The following KCNIP4 variants were observed in gnomAD, a reference collection of about 807,000 sequenced individuals.
KCNIP4 encodes Kv channel-interacting protein 4.
In KCNIP4, 12 loss-of-function variants were observed where a neutral mutation model predicts 34.0. The observed-to-expected ratio is 0.35, with a 90% CI of 0.23 to 0.57. The LOEUF (loss-of-function observed/expected upper bound fraction) is 0.57. Among genes scored for constraint, KCNIP4 ranks in the 20% least tolerant of loss-of-function variants. The pLI is 0.83. For synonymous variants in KCNIP4, 124 were observed against 102.2 expected, an observed-to-expected ratio of 1.21 and a Z score of -1.29; for missense variants, 238 against 311.7, an observed-to-expected ratio of 0.76 and a Z score of 1.78.
chr4:21,283,381 A>C (rs1344733135), intron 1 of KCNIP4, among the ~76,000 whole-genome samples: 1 of 151,980 alleles, frequency 6.6e-6, no homozygotes, highest in Non-Finnish European at 1.5e-5. Flanking sequence ...ACAATCAACC[A>C]CCTATCCATT....
chr4:21,507,784 T>A (rs1393209581), intron 1 of KCNIP4, among the ~76,000 whole-genome samples: 1 of 152,170 alleles, frequency 6.6e-6, no homozygotes, highest in Admixed American at 6.6e-5. Context: ...ATTATCATCT[T>A]ATAATAAGAA....
intron 1 of KCNIP4, among the ~76,000 whole-genome samples, chr4:21,490,004 T>C (rs1404803504): frequency 6.6e-6 from 1 of 152,190 alleles, no homozygotes; most frequent in Non-Finnish European, 1.5e-5. Context: ...TGCATAATGC[T>C]ACAGAAGAAT....
At chr4:21,704,924 T>C (rs759217624) in intron 1 of KCNIP4, among the ~76,000 whole-genome samples, 1 of 152,198 alleles carries the variant, frequency 6.6e-6, no homozygotes, top group Non-Finnish European at 1.5e-5. Flanking sequence ...CGGATGCTTA[T>C]AGCATTTTGA....
At position 21,350,442 on chromosome 4, in the gene KCNIP4, G is replaced by A. The variant is rs373671294; in HGVS notation, c.62-467733C>T. ...TGCTAACATGGCCAGCCACCCAAACGCCCAGTTATTTATCTGGCAAGTACA... is the reference window on the plus strand; with the variant it reads ...TGCTAACATGGCCAGCCACCCAAACACCCAGTTATTTATCTGGCAAGTACA... On this transcript the variant is annotated intron_variant, in intron 1 of 8. Transcript: ENST00000382152. Among the ~76,000 whole-genome samples, 15 of 152,174 alleles carry A rather than the reference G, an allele frequency of 9.9e-5. No individual in the cohort carries two copies. In the East Asian group the frequency reaches 1.9e-3, roughly 20 times the overall value.
intron 1 of KCNIP4, among the ~76,000 whole-genome samples, chr4:21,284,365 A>C (rs16870713): frequency 6.6e-6 from 1 of 152,238 alleles, no homozygotes; most frequent in Non-Finnish European, 1.5e-5. Flanking sequence ...CCTTTACTGA[A>C]CACTTACTTT....
At position 21,369,543 on chromosome 4, in the gene KCNIP4, G is replaced by T. The variant is rs1189315706; in HGVS notation, c.62-486834C>A. ...ACCCAGGAGGTTGAGACTGCAGTGA[G>T]CCATGATTGTACCTTTACACTCCAG... On this transcript the variant is annotated intron_variant, in intron 1 of 8. Transcript: ENST00000382152. 1.4e-5 allele frequency among the ~76,000 whole-genome samples: 2 copies of T among 146,984 alleles called. 1 individual carries two copies. The highest frequency in any genetic ancestry group is 1.3e-4 in the Admixed American group (2 of 15,170).
Position 20,844,603 on chromosome 4 carries a change from G to A in KCNIP4, c.288+5940C>T, listed in dbSNP as rs1442572848. ...GCAATTGCCTTATGCAATTAGCAGT[G>A]AATTCCTCTGTCCTAATCACTGCAT... is the stretch of plus-strand genomic sequence containing the variant. On this transcript the variant is annotated intron_variant, in intron 3 of 8. Coordinates refer to ENST00000382152, the MANE Select transcript of KCNIP4 (RefSeq NM_025221.6). 4.6e-5 allele frequency among the ~76,000 whole-genome samples: 7 copies of A among 152,176 alleles called. No homozygotes were observed. In the East Asian group the frequency reaches 5.8e-4, roughly 13 times the overall value.
intron 5 of KCNIP4, among the ~76,000 whole-genome samples, chr4:20,744,155 AC>A (rs1382468973): frequency 1.3e-5 from 2 of 151,074 alleles, no homozygotes; most frequent in African/African-American, 4.9e-5. Context: ...ACACTTTTGC[AC>A]TGTTGGTGGG....
chr4:20,851,507 T>C (rs1269886944), intron 2 of KCNIP4, among the ~76,000 whole-genome samples: 2 of 152,186 alleles, frequency 1.3e-5, no homozygotes, highest in African/African-American at 2.4e-5. Flanking sequence ...CAGGCATGTA[T>C]CTTTATAATA....
chr4:21,661,019 C>G (rs1467787584), intron 1 of KCNIP4, among the ~76,000 whole-genome samples: 2 of 151,984 alleles, frequency 1.3e-5, no homozygotes, highest in Non-Finnish European at 2.9e-5. Flanking sequence ...CTATTCTGTG[C>G]CCATATAAAC....
intron 1 of KCNIP4, among the ~76,000 whole-genome samples, chr4:21,556,146 T>C (rs1032356340): frequency 1.1e-4 from 16 of 152,094 alleles, no homozygotes; most frequent in African/African-American, 2.9e-4. Flanking sequence ...TGAGTAAAAA[T>C]GGATTTTGAG....
chr4:21,210,387 T>C (rs1235995421), intron 1 of KCNIP4, among the ~76,000 whole-genome samples: 1 of 152,174 alleles, frequency 6.6e-6, no homozygotes, highest in Non-Finnish European at 1.5e-5. Flanking sequence ...AGAAATAGCA[T>C]GCTGATTAAA....
chr4:21,433,462 A>T (rs2109675656), intron 1 of KCNIP4, among the ~76,000 whole-genome samples: 1 of 152,284 alleles, frequency 6.6e-6, no homozygotes, highest in Non-Finnish European at 1.5e-5. Flanking sequence ...AAAGAAACAA[A>T]CATAAAATAG....
intron 1 of KCNIP4, among the ~76,000 whole-genome samples, chr4:20,892,026 C>A (rs1394188287): frequency 1.3e-5 from 2 of 152,140 alleles, no homozygotes; most frequent in African/African-American, 4.8e-5. Context: ...TGCTGCCCAA[C>A]CATGCAGTTG....
chr4:21,847,253 C>T (rs1213925562), intron 1 of KCNIP4: 1 of 152,048 alleles, frequency 6.6e-6, no homozygotes, highest in East Asian at 1.9e-4. Flanking sequence ...AGTTGAAATA[C>T]ACTCAGTGCT....
At chr4:21,234,028 TATAACATATATAACATATATAACAC>T (rs1381850451) in intron 1 of KCNIP4, among the ~76,000 whole-genome samples, 3 of 105,394 alleles carry the variant, frequency 2.8e-5, no homozygotes, top group Non-Finnish European at 4.8e-5. Flanking sequence ...ATATATTATA[TATAACATATATAACATATATAACAC>T]ATAACATATA....
chr4:21,328,091 T>C (rs1715271568), intron 1 of KCNIP4, among the ~76,000 whole-genome samples: 1 of 151,998 alleles, frequency 6.6e-6, no homozygotes, highest in South Asian at 2.1e-4. Context: ...AAGTCATGTT[T>C]TCTTTTATGG....
chr4:20,918,858 T>A (rs532706435), intron 1 of KCNIP4, among the ~76,000 whole-genome samples: 2 of 152,266 alleles, frequency 1.3e-5, no homozygotes, highest in African/African-American at 4.8e-5. Flanking sequence ...GAAAACCAAA[T>A]CTGTGAGCAA....
intron 1 of KCNIP4, among the ~76,000 whole-genome samples, chr4:21,862,315 C>A (rs532586430): frequency 2.0e-4 from 31 of 152,270 alleles, no homozygotes; most frequent in Middle Eastern, 3.4e-3. Context: ...AATTCTTCAA[C>A]AAATATTGTT....
Sources: gnomAD v4.1 joint callset for allele counts (sites outside exome capture counted in the v4.1 genomes callset) on GRCh38, gnomAD v4.1.1 for gene constraint, MANE v1.5 for transcripts, NCBI Gene and HGNC (gene_info 2026-07-23, HGNC 2026-07-21) for gene names.